The following CDK14 variants were observed in gnomAD, a reference collection of about 807,000 sequenced individuals.
CDK14 encodes the protein cyclin-dependent kinase 14.
Under a neutral mutation model 60.7 loss-of-function variants are expected in CDK14, and 34 were observed. The ratio of observed to expected loss-of-function variants is 0.56; its 90% CI spans 0.43 to 0.75. CDK14 has a LOEUF of 0.75. Ranked by LOEUF, CDK14 falls within the 30% of genes least tolerant of loss-of-function variation. The pLI, the probability that CDK14 is intolerant of heterozygous loss-of-function variation, is 0.00. For missense variants in CDK14, 482 were observed against 564.1 expected (o/e 0.85, Z 1.47); for synonymous variants, 197 against 203.7 (o/e 0.97, Z 0.28).
intron 5 of CDK14, among the ~76,000 whole-genome samples, chr7:90,799,964 G>A (rs1006303410): frequency 6.6e-6 from 1 of 152,024 alleles, no homozygotes; most frequent in African/African-American, 2.4e-5. Flanking sequence ...GGACAAGAAA[G>A]GGTCTAAAAG....
At chr7:90,616,728 A>T (rs1006619556) in intron 2 of CDK14, among the ~76,000 whole-genome samples, 1 of 152,236 alleles carries the variant, frequency 6.6e-6, no homozygotes, top group Admixed American at 6.5e-5. Context: ...TACAGTGTAC[A>T]TTGCACTAAT....
At chr7:90,678,357 C>T (rs1467545664) in intron 2 of CDK14, among the ~76,000 whole-genome samples, 2 of 152,114 alleles carry the variant, frequency 1.3e-5, no homozygotes, top group East Asian at 3.9e-4. Flanking sequence ...CCAGTCACAT[C>T]AGCTGGCACA....
chr7:90,805,641 A>G (rs1788796584), intron 5 of CDK14, among the ~76,000 whole-genome samples: 1 of 152,162 alleles, frequency 6.6e-6, no homozygotes, highest in Admixed American at 6.5e-5. Context: ...GAAGATTAAA[A>G]TAAATAAAAA....
intron 12 of CDK14, among the ~76,000 whole-genome samples, chr7:91,094,972 A>T (rs1798937999): frequency 6.6e-6 from 1 of 152,172 alleles, no homozygotes; most frequent in South Asian, 2.1e-4. Context: ...ATATGGAAAC[A>T]TCTGTTAGCG....
Position 90,646,300 on chromosome 7 carries a change from C to CT in CDK14, c.123+42067dup, listed in dbSNP as rs56994508. Among the ~76,000 whole-genome samples the CT allele has an allele frequency of 5.6e-3, 809 of 143,270 alleles. 4 individuals carry two copies. Among genetic ancestry groups the CT allele is most frequent in the African/African-American group, 0.016 (615 of 38,894 alleles). The allele number at this position is 143,270 out of a possible 152,430, so 94.0% of individuals were successfully genotyped here. A position where few individuals can be genotyped will look rare whatever the true frequency, so the allele number is the denominator to read the frequency against. On this transcript the variant is annotated intron_variant, in intron 2 of 14. Coordinates refer to ENST00000380050, the MANE Select transcript of CDK14 (RefSeq NM_001287135.2). Reference sequence around the variant, plus strand: ...AGAGGCATACTGACAGTATGAAGGACTTTTTTTTTTTTTTTTAATTCTGCT... The same window carrying CT: ...AGAGGCATACTGACAGTATGAAGGACTTTTTTTTTTTTTTTTTAATTCTGCT...
intron 5 of CDK14, among the ~76,000 whole-genome samples, chr7:90,815,102 T>C (rs1789296204): frequency 6.6e-6 from 1 of 152,224 alleles, no homozygotes; most frequent in East Asian, 1.9e-4. Context: ...CTTACTACAT[T>C]GTACTTTATG....
At chr7:90,673,560 A>G (rs562115654) in intron 2 of CDK14, among the ~76,000 whole-genome samples, 21 of 151,390 alleles carry the variant, frequency 1.4e-4, no homozygotes, top group African/African-American at 4.3e-4. Context: ...GGTTAAGTCT[A>G]TTAAGCAATT....
chr7:90,997,016 C>G (rs919534056), intron 10 of CDK14, among the ~76,000 whole-genome samples: 6 of 152,158 alleles, frequency 3.9e-5, no homozygotes, highest in Non-Finnish European at 5.9e-5. Flanking sequence ...TCCTCTTCCT[C>G]TCTCTCCAAT....
chr7:91,021,804 C>A (rs1796440457), intron 10 of CDK14, among the ~76,000 whole-genome samples: 1 of 152,172 alleles, frequency 6.6e-6, no homozygotes, highest in African/African-American at 2.4e-5. Flanking sequence ...ACCATACTCC[C>A]TCCTAAATTA....
intron 14 of CDK14, among the ~76,000 whole-genome samples, chr7:91,122,864 G>A (rs915853026): frequency 1.3e-5 from 2 of 152,162 alleles, no homozygotes; most frequent in Non-Finnish European, 2.9e-5. Context: ...AGAAACTGCT[G>A]ACTGACGGTA....
rs1279404625 is a variant in CDK14, at chr7:91,079,463, T to C, written c.1137T>C (p.Leu379=). The part of the protein sequence containing the change: ...ERFTLYSSKN[L]RQAWNKLSYV... The stretch of plus-strand genomic sequence containing the variant: ...TTACCCTGTACAGCTCTAAAAACCT[T>C]AGACAAGCATGGAATAAGTAAGTCT... The change falls in exon 12 of 15, where the codon CTT becomes CTC. Residue 379 remains leucine, a synonymous_variant. Transcript: ENST00000380050. The C allele has an allele frequency of 6.2e-7, 1 of 1,602,854 alleles. No homozygotes were observed.
chr7:90,655,407 A>T (rs1221462720), intron 2 of CDK14, among the ~76,000 whole-genome samples: 1 of 149,080 alleles, frequency 6.7e-6, no homozygotes, highest in Non-Finnish European at 1.5e-5. Context: ...CTATCGGTTT[A>T]AAAAAAAAAC....
intron 11 of CDK14, among the ~76,000 whole-genome samples, chr7:91,047,380 T>C (rs1797269769): frequency 6.6e-6 from 1 of 152,228 alleles, no homozygotes; most frequent in Non-Finnish European, 1.5e-5. Flanking sequence ...GAATAGAATT[T>C]ATCTTCATCA....
intron 14 of CDK14, among the ~76,000 whole-genome samples, chr7:91,169,544 C>G (rs924960427): frequency 4.6e-5 from 7 of 152,200 alleles, no homozygotes; most frequent in African/African-American, 1.7e-4. Flanking sequence ...GCCAAGTACC[C>G]TCTCCCTTTA....
At chr7:90,916,663 A>G (rs1331077883) in intron 7 of CDK14, among the ~76,000 whole-genome samples, 1 of 152,200 alleles carries the variant, frequency 6.6e-6, no homozygotes, top group Non-Finnish European at 1.5e-5. Context: ...AGACTAGAAT[A>G]TTGGTGGCAC....
rs767662494 is a variant in CDK14 at position 91,112,445 on chromosome 7, G to A, written c.1155-97G>A. 3.9e-5 allele frequency: 52 copies of A among 1,316,782 alleles called. No individual in the cohort carries two copies. The Middle Eastern group carries it at 7.8e-4, about 20-fold the overall frequency. The allele number at this position is 1,316,782 out of a possible 1,614,324, so 81.6% of individuals were successfully genotyped here. On this transcript the variant is annotated intron_variant, in intron 12 of 14. Transcript: ENST00000380050. ...GCAGGTAATTTGTTTTTCTAGCCAGGAATAAATTGAAATCCAGAAAAATTA... is the reference window on the plus strand; with the variant it reads ...GCAGGTAATTTGTTTTTCTAGCCAGAAATAAATTGAAATCCAGAAAAATTA...
At chr7:91,092,732 C>T (rs1225854234) in intron 12 of CDK14, among the ~76,000 whole-genome samples, 2 of 152,122 alleles carry the variant, frequency 1.3e-5, no homozygotes, top group African/African-American at 2.4e-5. Flanking sequence ...AAGTCAAAGG[C>T]AAGGACTTGC....
At chr7:90,971,153 GT>G (rs5885750) in intron 9 of CDK14, among the ~76,000 whole-genome samples, 55 of 86,242 alleles carry the variant, frequency 6.4e-4, no homozygotes, top group African/African-American at 1.4e-3. Context: ...AGAACATGTG[GT>G]TTTTTTTTTT....
intron 14 of CDK14, among the ~76,000 whole-genome samples, chr7:91,204,368 A>G (rs926309825): frequency 1.3e-5 from 2 of 152,204 alleles, no homozygotes; most frequent in African/African-American, 4.8e-5. Context: ...TAGATTTCAC[A>G]ATGGATTTTT....
Sources: gnomAD v4.1 joint callset for allele counts (sites outside exome capture counted in the v4.1 genomes callset) on GRCh38, gnomAD v4.1.1 for gene constraint, MANE v1.5 for transcripts, NCBI Gene and HGNC (gene_info 2026-07-23, HGNC 2026-07-21) for gene names.